CLCC1: variants seen among roughly 807,000 people sequenced by gnomAD.
CLCC1 encodes chloride channel CLIC-like protein 1.
In CLCC1, 39 loss-of-function variants were observed where a neutral mutation model predicts 63.3. The ratio of observed to expected loss-of-function variants is 0.62; its 90% CI spans 0.48 to 0.81. The LOEUF (loss-of-function observed/expected upper bound fraction) is 0.81. CLCC1 is among the 30% of genes least tolerant of loss of function. The pLI is 0.00. For missense variants in CLCC1, 549 were observed against 669.4 expected (o/e 0.82, Z 1.98); for synonymous variants, 217 against 239.8 (o/e 0.90, Z 0.88).
rs1425766016 is a variant in CLCC1 at position 108,929,619 on chromosome 1, CTTG to C, written c.*2925_*2927del. ...AAATAAAAGTTTACAACTGCGTTTT[CTTG>C]TTGTGACTGAGAGATTTAACATAGC... On this transcript the variant is annotated 3_prime_UTR_variant, in exon 13 of 13. Coordinates refer to ENST00000369969, the MANE Select transcript of CLCC1 (RefSeq NM_001377458.1). The C allele has an allele frequency of 1.5e-6, 2 of 1,321,000 alleles. No homozygotes were observed. Among genetic ancestry groups the C allele is most frequent in the Middle Eastern group, 1.9e-4 (1 of 5,134 alleles). The allele number at this position is 1,321,000 out of a possible 1,614,324, so 81.8% of individuals were successfully genotyped here. A position where few individuals can be genotyped will look rare whatever the true frequency, so the allele number is the denominator to read the frequency against.
At position 108,935,033 on chromosome 1, in the gene CLCC1, T is replaced by C. The variant is rs145121545; in HGVS notation, c.1384-91A>G. 7.9e-4 allele frequency: 987 copies of C among 1,247,626 alleles called. 7 individuals carry two copies. In the African/African-American group the frequency reaches 0.013, roughly 17 times the overall value. 77.3% of individuals were successfully genotyped at this position (1,247,626 alleles called of 1,614,324 possible). On this transcript the variant is annotated intron_variant, in intron 11 of 12. Coordinates refer to ENST00000369969, the MANE Select transcript of CLCC1 (RefSeq NM_001377458.1). ...CTAAAAAGTTCCCACCCAAATCCGT[T>C]GTAGCAAGCTCCAAACTCTTTCAAA...
At chr1:108,952,173 A>AT (rs34619390) in intron 2 of CLCC1, among the ~76,000 whole-genome samples, 80,555 of 149,530 alleles carry the variant, frequency 0.54, 21,923 homozygotes, top group African/African-American at 0.65. Flanking sequence ...TCTCCCCCCT[A>AT]TTTTTGGGTT....
chr1:108,944,564 C>T (rs890777570), intron 5 of CLCC1, among the ~76,000 whole-genome samples: 2 of 151,694 alleles, frequency 1.3e-5, no homozygotes, highest in African/African-American at 2.4e-5. Flanking sequence ...AATTCTAGAA[C>T]TCTATGTAAA....
Position 108,947,606 on chromosome 1 carries a change from C to T in CLCC1, c.339+5G>A. The T allele has an allele frequency of 1.3e-6, 2 of 1,552,250 alleles. No homozygotes were observed. The highest frequency in any genetic ancestry group is 1.1e-5 in the South Asian group (1 of 87,898). Reference sequence around the variant, plus strand: ...CGGATTAGTATCACACCATCAAATACTCACAAGTCCAAGCTTTCCAGCTTC... The same window carrying T: ...CGGATTAGTATCACACCATCAAATATTCACAAGTCCAAGCTTTCCAGCTTC... On this transcript the variant is annotated splice_donor_5th_base_variant and intron_variant, in intron 5 of 12. Coordinates refer to ENST00000369969, the MANE Select transcript of CLCC1 (RefSeq NM_001377458.1).
At chr1:108,958,369 T>C (rs749906495) in intron 2 of CLCC1, among the ~76,000 whole-genome samples, 2 of 151,506 alleles carry the variant, frequency 1.3e-5, no homozygotes, top group African/African-American at 2.5e-5. Context: ...TCCTGTTCCA[T>C]CCCACATGGG....
chr1:108,961,295 A>AAAAC (rs1354054856), intron 2 of CLCC1, among the ~76,000 whole-genome samples: 6 of 151,396 alleles, frequency 4.0e-5, no homozygotes, highest in East Asian at 1.9e-4. Flanking sequence ...AAAAAAAAAA[A>AAAAC]AAAACGATTC....
At chr1:108,933,925 G>A (rs138815989) in intron 12 of CLCC1, 2 of 152,280 alleles carry the variant, frequency 1.3e-5, no homozygotes, top group East Asian at 3.9e-4. Flanking sequence ...CCACTGCTAG[G>A]ATTCTGAGTA....
In CLCC1 at chr1:108,932,269, C is replaced by CAAAA. The variant is rs1229051891; in HGVS notation, c.*274_*277dup. The CAAAA allele has an allele frequency of 6.6e-6, 1 of 151,554 alleles. No homozygotes were observed. Among genetic ancestry groups the CAAAA allele is most frequent in the Admixed American group, 6.6e-5 (1 of 15,214 alleles). 9.4% of individuals were successfully genotyped at this position (151,554 alleles called of 1,614,324 possible). A position where few individuals can be genotyped will look rare whatever the true frequency, so the allele number is the denominator to read the frequency against. Reference sequence around the variant, plus strand: ...AGCCTGGGTGACAGAGCAAAACTCTCAAAAAAAAGTAAAATTTCAAAAAAG... The same window carrying CAAAA: ...AGCCTGGGTGACAGAGCAAAACTCTCAAAAAAAAAAAAGTAAAATTTCAAAAAAG... On this transcript the variant is annotated 3_prime_UTR_variant, in exon 13 of 13. Coordinates refer to ENST00000369969, the MANE Select transcript of CLCC1 (RefSeq NM_001377458.1).
chr1:108,938,559 C>T (rs778308228), intron 10 of CLCC1, among the ~76,000 whole-genome samples: 7 of 152,086 alleles, frequency 4.6e-5, no homozygotes, highest in Non-Finnish European at 7.4e-5. Context: ...TTGTTTTATG[C>T]GACAACTGCT....
At chr1:108,954,817 C>CGCGTGTGT (rs1553222832) in intron 2 of CLCC1, among the ~76,000 whole-genome samples, 2 of 140,520 alleles carry the variant, frequency 1.4e-5, no homozygotes, top group Non-Finnish European at 3.0e-5. Context: ...ACTGTCTTTG[C>CGCGTGTGT]GTGTGTGTGT....
At chr1:108,939,582 T>C (rs1434982522) in intron 10 of CLCC1, 54 bp downstream of exon 10, 1 of 1,544,402 alleles carries the variant, frequency 6.5e-7, no homozygotes, top group African/African-American at 1.4e-5. Flanking sequence ...GTGCTGGGAT[T>C]ACAGGCGTGA....
At chr1:108,934,276 C>T (rs1159849265) in intron 12 of CLCC1, 1 of 180,572 alleles carries the variant, frequency 5.5e-6, no homozygotes, top group Non-Finnish European at 1.2e-5. Context: ...GTGGCCTTAA[C>T]TCTAGTGGAT....
intron 2 of CLCC1, among the ~76,000 whole-genome samples, chr1:108,961,284 T>TAAAAAAA (rs5776958): frequency 2.3e-4 from 31 of 133,938 alleles, no homozygotes; most frequent in African/African-American, 7.8e-4. Flanking sequence ...AAGAGTTTGT[T>TAAAAAAA]AAAAAAAAAA....
intron 11 of CLCC1, 92 bp from the exon 12 acceptor site, chr1:108,935,034 G>A (rs903246839): frequency 2.4e-6 from 3 of 1,245,398 alleles, no homozygotes; most frequent in Middle Eastern, 2.5e-4. Flanking sequence ...CAAATCCGTT[G>A]TAGCAAGCTC....
chr1:108,943,709 T>A, intron 6 of CLCC1, 94 bp from the exon 7 acceptor site: 1 of 1,532,584 alleles, frequency 6.5e-7, no homozygotes, highest in East Asian at 2.3e-5. Flanking sequence ...TTCTACAATT[T>A]TGTGGCTTGT....
intron 3 of CLCC1, 52 bp from the exon 4 acceptor site, chr1:108,949,973 T>C (rs964039363): frequency 1.8e-6 from 2 of 1,116,314 alleles, no homozygotes; most frequent in Admixed American, 4.4e-5. Flanking sequence ...GTTACAAAAA[T>C]AGCCTTTGGT....
chr1:108,957,467 C>G (rs1439896765), intron 2 of CLCC1, among the ~76,000 whole-genome samples: 1 of 151,444 alleles, frequency 6.6e-6, no homozygotes, highest in Non-Finnish European at 1.5e-5. Context: ...TGGAAGGCCA[C>G]CCACTAAGTG....
rs367914389 is a variant in CLCC1, at chr1:108,930,890, CAA to C, written c.*1655_*1656del. ...TGAGTGACAGAGCAAGACTCTGTCTCAAAAAAAAAAAAAACAGCAAGCATGCT... is the reference window on the plus strand; with the variant it reads ...TGAGTGACAGAGCAAGACTCTGTCTCAAAAAAAAAAAACAGCAAGCATGCT... On this transcript the variant is annotated 3_prime_UTR_variant, in exon 13 of 13. Coordinates refer to ENST00000369969, the MANE Select transcript of CLCC1 (RefSeq NM_001377458.1). 49,642 of 128,398 alleles carry C rather than the reference CAA, an allele frequency of 0.39. 9,735 individuals carry two copies. Among genetic ancestry groups the C allele is most frequent in the African/African-American group, 0.58 (21,713 of 37,126 alleles). The allele number at this position is 128,398 out of a possible 1,614,324, so 8.0% of individuals were successfully genotyped here.
rs945767077 is a variant in CLCC1 at position 108,950,659 on chromosome 1, C to T, written c.-11-211G>A. ...GGCTAGCTGGGACTACAGGTGTGTG[C>T]CACCACACCTGGATAATTTTTTTTT... On this transcript the variant is annotated intron_variant, in intron 2 of 12. Coordinates refer to ENST00000369969, the MANE Select transcript of CLCC1 (RefSeq NM_001377458.1). Among the ~76,000 whole-genome samples the T allele has an allele frequency of 4.6e-5, 7 of 151,942 alleles. No individual in the cohort carries two copies. The South Asian group carries it at 1.0e-3, about 23-fold the overall frequency.
Sources: gnomAD v4.1 joint callset for allele counts (sites outside exome capture counted in the v4.1 genomes callset) on GRCh38, gnomAD v4.1.1 for gene constraint, MANE v1.5 for transcripts, NCBI Gene and HGNC (gene_info 2026-07-23, HGNC 2026-07-21) for gene names.